The following ASPG variants were observed in gnomAD, a reference collection of about 807,000 sequenced individuals.
ASPG encodes asparaginase.
ASPG carries 53 observed loss-of-function variants against 63.2 expected under a neutral mutation model. The ratio of observed to expected loss-of-function variants is 0.84; its 90% CI spans 0.67 to 1.05. The LOEUF (loss-of-function observed/expected upper bound fraction) is 1.05. ASPG is among the 50% of genes least tolerant of loss of function. The pLI is 0.00. For synonymous variants in ASPG, 370 were observed against 355.0 expected (o/e 1.04, Z -0.48); for missense variants, 741 against 794.4 (o/e 0.93, Z 0.81).
chr14:104,093,399 A>G (rs753958488), intron 2 of ASPG, 92 bp from the exon 3 acceptor site: 2 of 1,200,558 alleles, frequency 1.7e-6, no homozygotes, highest in Non-Finnish European at 2.5e-6. Flanking sequence ...CAGCTCTGCC[A>G]GAGGGGAACA....
At chr14:104,111,682 C>T (rs2037388971) in intron 14 of ASPG, 81 bp downstream of exon 14, 2 of 1,199,818 alleles carry the variant, frequency 1.7e-6, no homozygotes, top group South Asian at 1.3e-5. Context: ...CAGCTCACTG[C>T]TCTGCCCCTC....
Position 104,085,711 on chromosome 14 carries a change from C to T in ASPG, c.-60C>T. 7.1e-7 allele frequency: 1 copy of T among 1,407,766 alleles called. No individual in the cohort carries two copies. The highest frequency in any genetic ancestry group is 9.3e-7 in the Non-Finnish European group (1 of 1,075,498). The allele number at this position is 1,407,766 out of a possible 1,614,324, so 87.2% of individuals were successfully genotyped here. On this transcript the variant is annotated 5_prime_UTR_variant, in exon 1 of 16. Transcript: ENST00000551177. ...GGCCTCCTCCGCGCAGTCCCTGAGTCCCGCAGGCCCTGCGTCCCCGCTGCA... is the reference window on the plus strand; with the variant it reads ...GGCCTCCTCCGCGCAGTCCCTGAGTTCCGCAGGCCCTGCGTCCCCGCTGCA...
At chr14:104,106,244 G>A (rs893027119) in intron 10 of ASPG, among the ~76,000 whole-genome samples, 6 of 152,248 alleles carry the variant, frequency 3.9e-5, no homozygotes, top group African/African-American at 1.4e-4. Flanking sequence ...TACCCGCTGG[G>A]TGTGGTGGCA....
chr14:104,089,841 G>A (rs988461972), intron 1 of ASPG, among the ~76,000 whole-genome samples: 1 of 151,418 alleles, frequency 6.6e-6, no homozygotes, highest in Non-Finnish European at 1.5e-5. Flanking sequence ...CCGGCTACTC[G>A]GGAGGCTAAG....
chr14:104,098,835 G>T lies in ASPG; in HGVS notation c.514-18G>T, dbSNP rs750929434. 3 of 1,611,838 alleles carry T rather than the reference G, an allele frequency of 1.9e-6. No homozygotes were observed. The East Asian group carries it at 6.7e-5, about 36-fold the overall frequency. ...CAGGGTGGCCGCTGCTCTGAACTCT[G>T]TCGCTCCGTTCCCGCAGGTCTGCCT... On this transcript the variant is annotated intron_variant, in intron 5 of 15. Transcript: ENST00000551177.
Position 104,110,424 on chromosome 14 carries a change from T to C in ASPG, c.1521-1078T>C, listed in dbSNP as rs2037336694. ...CTCCAGACAGGCCTTGCTGGCTCCA[T>C]TGACAGATGGGGAAACTGAGGCAGT... On this transcript the variant is annotated intron_variant, in intron 13 of 15. Coordinates refer to ENST00000551177, the MANE Select transcript of ASPG (RefSeq NM_001080464.3). This position sits in a 1 kb window ranked among gnomAD's most constrained non-coding sequence, Gnocchi z 4.7. 5 of 985,252 alleles carry C rather than the reference T, an allele frequency of 5.1e-6. No individual in the cohort carries two copies. The highest frequency in any genetic ancestry group is 1.7e-5 in the African/African-American group (1 of 57,318). 61.0% of individuals were successfully genotyped at this position (985,252 alleles called of 1,614,324 possible).
In ASPG at chr14:104,110,543, C is replaced by A. The variant is rs940414015; in HGVS notation, c.1521-959C>A. 6.1e-5 allele frequency: 60 copies of A among 985,308 alleles called. No individual in the cohort carries two copies. The highest frequency in any genetic ancestry group is 1.8e-4 in the Admixed American group (3 of 16,284). The allele number at this position is 985,308 out of a possible 1,614,324, so 61.0% of individuals were successfully genotyped here. On this transcript the variant is annotated intron_variant, in intron 13 of 15. Coordinates refer to ENST00000551177, the MANE Select transcript of ASPG (RefSeq NM_001080464.3). This position sits in a 1 kb window ranked among gnomAD's most constrained non-coding sequence, Gnocchi z 4.7. ...CCTGAGCTGCTGGCTGGACTTGAGC[C>A]CCTCGGCTAGGCCTTCCTAGGGGCC...
At chr14:104,093,277 A>G in intron 2 of ASPG, 1 of 628,008 alleles carries the variant, frequency 1.6e-6, no homozygotes, top group East Asian at 2.8e-5. Flanking sequence ...GGAGTGGCCC[A>G]TCCTGACCTA....
intron 2 of ASPG, 117 bp from the exon 3 acceptor site, chr14:104,093,374 T>C (rs1379241405): frequency 2.2e-6 from 2 of 921,218 alleles, no homozygotes. Context: ...TGCGGAGCCC[T>C]TGGCGTAGGG....
At chr14:104,112,446 G>A (rs988836625) in intron 15 of ASPG, 78 bp from the exon 16 acceptor site, 7 of 854,554 alleles carry the variant, frequency 8.2e-6, no homozygotes, top group East Asian at 2.4e-5. Flanking sequence ...CCGTACAGAC[G>A]GGGTGCCTGG....
chr14:104,088,360 A>G (rs770749687), intron 1 of ASPG, among the ~76,000 whole-genome samples: 2 of 152,050 alleles, frequency 1.3e-5, no homozygotes, highest in African/African-American at 2.4e-5. Flanking sequence ...CCCTTGACCC[A>G]TCCCTTCTCT....
intron 12 of ASPG, among the ~76,000 whole-genome samples, chr14:104,107,731 C>T (rs1283826327): frequency 1.3e-5 from 2 of 152,200 alleles, no homozygotes; most frequent in Admixed American, 6.5e-5. Flanking sequence ...TGTGGGGGTC[C>T]CCTGCCCCAC....
Position 104,108,354 on chromosome 14 carries a change from C to T in ASPG, c.1434-875C>T, listed in dbSNP as rs980968389. The T allele has an allele frequency of 5.2e-5, 50 of 958,308 alleles. No individual in the cohort carries two copies. The South Asian group carries it at 7.7e-4, about 15-fold the overall frequency. The allele number at this position is 958,308 out of a possible 1,614,324, so 59.4% of individuals were successfully genotyped here. The stretch of plus-strand genomic sequence containing the variant: ...TGGGTGTGGGTGGGTGGCGCGGAGA[C>T]GAGCTCACACAGTCCCGCCCCCTCG... On this transcript the variant is annotated intron_variant, in intron 12 of 15. Coordinates refer to ENST00000551177, the MANE Select transcript of ASPG (RefSeq NM_001080464.3).
At chr14:104,098,388 C>T (rs2141009625) in intron 5 of ASPG, among the ~76,000 whole-genome samples, 1 of 152,292 alleles carries the variant, frequency 6.6e-6, no homozygotes, top group East Asian at 1.9e-4. Context: ...AGTGGCTTTA[C>T]CCAAGGCTCT....
At chr14:104,093,967 G>T (rs984521283) in intron 3 of ASPG, among the ~76,000 whole-genome samples, 20 of 151,824 alleles carry the variant, frequency 1.3e-4, no homozygotes, top group African/African-American at 4.8e-4. Context: ...TATGGGCGGG[G>T]CTGGTGGATG....
chr14:104,108,984 G>A (rs2037268811), intron 12 of ASPG: 1 of 985,432 alleles, frequency 1.0e-6, no homozygotes, highest in South Asian at 4.7e-5. Flanking sequence ...CCCACCCCTT[G>A]CAGACCTCAG....
intron 7 of ASPG, among the ~76,000 whole-genome samples, 193 bp downstream of exon 7, chr14:104,103,868 G>A (rs964410947): frequency 1.3e-5 from 2 of 152,240 alleles, no homozygotes; most frequent in Admixed American, 6.5e-5. Flanking sequence ...CCAGCCTCTC[G>A]GGGAGTGGGC....
At chr14:104,097,293 G>T (rs988150608) in intron 4 of ASPG, among the ~76,000 whole-genome samples, 15 of 152,114 alleles carry the variant, frequency 9.9e-5, no homozygotes, top group African/African-American at 3.6e-4. Context: ...GGCCCTGGGT[G>T]CAGGCTGGCA....
At chr14:104,106,693 G>A (rs2037144513) in intron 10 of ASPG, 106 bp from the exon 11 acceptor site, 2 of 1,009,836 alleles carry the variant, frequency 2.0e-6, no homozygotes, top group Non-Finnish European at 2.9e-6. Context: ...GGGATCTGCG[G>A]GCCCTTGTGT....
Sources: gnomAD v4.1 joint callset for allele counts (sites outside exome capture counted in the v4.1 genomes callset) on GRCh38, gnomAD v4.1.1 for gene constraint, Gnocchi (gnomAD v3.1) non-coding constraint, MANE v1.5 for transcripts, NCBI Gene and HGNC (gene_info 2026-07-23, HGNC 2026-07-21) for gene names.